Variants in ASNS observed in about 807,000 individuals in gnomAD.
ASNS encodes asparagine synthetase (glutamine-hydrolyzing).
In ASNS, 37 loss-of-function variants were observed where a neutral mutation model predicts 62.6. The observed-to-expected ratio is 0.59, with a 90% CI of 0.45 to 0.78. The LOEUF (loss-of-function observed/expected upper bound fraction) is 0.78. ASNS is among the 30% of genes least tolerant of loss of function. The probability of loss-of-function intolerance (pLI) is 0.00; values close to 1 mark genes in which losing one functional copy is unlikely to be tolerated. For synonymous variants in ASNS, 207 were observed against 237.9 expected (o/e 0.87, Z 1.19); for missense variants, 520 against 682.4 (o/e 0.76, Z 2.65).
intron 4 of ASNS, among the ~76,000 whole-genome samples, chr7:97,859,954 A>G (rs1409331131): frequency 6.6e-6 from 1 of 152,222 alleles, no homozygotes; most frequent in African/African-American, 2.4e-5. Flanking sequence ...TATAACTTAA[A>G]TTTCCTCAAT....
rs373834147 is a variant in ASNS, at chr7:97,858,424, G to T, written c.776-19C>A. On this transcript the variant is annotated intron_variant, in intron 6 of 12. Coordinates refer to ENST00000394308, the MANE Select transcript of ASNS (RefSeq NM_001673.5). ...AAGCCCCCTACATGCAAAAGAGGAA[G>T]TGGAAGTGTCCTAGTTATGTGCCTT... 29 of 1,613,864 alleles carry T rather than the reference G, an allele frequency of 1.8e-5. No individual in the cohort carries two copies. In the African/African-American group the frequency reaches 3.6e-4, roughly 20 times the overall value.
the ASNS span, among the ~76,000 whole-genome samples, chr7:97,894,161 T>A: frequency 8.8e-5 from 13 of 147,524 alleles, no homozygotes; most frequent in East Asian, 4.0e-4. Flanking sequence ...ACATCAAAAA[T>A]TTTTTTTAAA....
the ASNS span, among the ~76,000 whole-genome samples, chr7:97,898,168 C>T: frequency 6.6e-6 from 1 of 152,224 alleles, no homozygotes; most frequent in East Asian, 1.9e-4. Flanking sequence ...AATCTTGGCT[C>T]ACTGCAACCT....
chr7:97,907,725 C>A, the ASNS span, among the ~76,000 whole-genome samples: 1 of 149,682 alleles, frequency 6.7e-6, no homozygotes, highest in Non-Finnish European at 1.5e-5. Context: ...GCCGAGATCG[C>A]ACCACTGCAC....
the ASNS span, among the ~76,000 whole-genome samples, chr7:97,920,241 C>T: frequency 6.6e-6 from 1 of 152,074 alleles, no homozygotes; most frequent in Non-Finnish European, 1.5e-5. Context: ...TGGCCTCAGG[C>T]GATCCGCCCA....
chr7:97,903,859 G>C, the ASNS span, among the ~76,000 whole-genome samples: 1 of 152,160 alleles, frequency 6.6e-6, no homozygotes, highest in African/African-American at 2.4e-5. Context: ...TTAATTTGGG[G>C]GACAACAAAG....
intron 1 of ASNS, chr7:97,870,199 T>C: frequency 2.0e-6 from 2 of 993,436 alleles, no homozygotes; most frequent in Non-Finnish European, 2.8e-6. Flanking sequence ...TTGGCAGTGA[T>C]GACTGCCTTT....
rs566620938 is a variant in ASNS at position 97,857,616 on chromosome 7, T to TAA, written c.903+660_903+661dup. Among the ~76,000 whole-genome samples, 962 of 116,070 alleles carry TAA rather than the reference T, an allele frequency of 8.3e-3. 8 individuals are homozygous for TAA. Among genetic ancestry groups the TAA allele is most frequent in the East Asian group, 0.025 (102 of 4,016 alleles). 76.1% of individuals were successfully genotyped at this position (116,070 alleles called of 152,430 possible). A position where few individuals can be genotyped will look rare whatever the true frequency, so the allele number is the denominator to read the frequency against. ...AGCCATGATACTATGCCTTTACGTT[T>TAA]AAAAAAAAAAAAAAAAAAAAACGAA... On this transcript the variant is annotated intron_variant, in intron 7 of 12. Coordinates refer to ENST00000394308, the MANE Select transcript of ASNS (RefSeq NM_001673.5).
the ASNS span, among the ~76,000 whole-genome samples, chr7:97,882,865 CT>C: frequency 2.6e-5 from 4 of 152,316 alleles, no homozygotes; most frequent in East Asian, 7.7e-4. Context: ...AATATTAAAA[CT>C]GAAAAAATCA....
chr7:97,868,119 G>A (rs1389776724), intron 3 of ASNS, among the ~76,000 whole-genome samples: 4 of 152,108 alleles, frequency 2.6e-5, no homozygotes, highest in Non-Finnish European at 5.9e-5. Flanking sequence ...ACCACCCTGG[G>A]CAACATGGTG....
At chr7:97,876,013 C>T (rs376440629), upstream of ASNS, among the ~76,000 whole-genome samples, 16 of 152,100 alleles carry the variant, frequency 1.1e-4, no homozygotes, top group African/African-American at 2.6e-4. Flanking sequence ...CCCACCACCA[C>T]GCCTGGCTAA....
rs772206435 is a variant in ASNS at position 97,859,291 on chromosome 7, C to T, written c.595G>A (p.Val199Met). The stretch of plus-strand genomic sequence containing the variant: ...CAGTGATGATATTTAACCATTTCCA[C>T]GGATGCAACTTTGCCATTTGGCTTT... ...DLKPNGKVAS[V>M]EMVKYHHCRD... is the part of the protein sequence containing the mutation. Residue 199 changes from valine to methionine, a missense_variant, in exon 5 of 13, where the codon GTG becomes ATG. By Grantham distance (21) the Val-to-Met change is conservative. Transcript: ENST00000394308. 18 of 1,613,994 alleles carry T rather than the reference C, an allele frequency of 1.1e-5. No individual in the cohort carries two copies. Among genetic ancestry groups the T allele is most frequent in the African/African-American group, 2.7e-5 (2 of 74,914 alleles).
upstream of ASNS, among the ~76,000 whole-genome samples, chr7:97,875,630 G>A (rs1792422246): frequency 6.6e-6 from 1 of 152,222 alleles, no homozygotes; most frequent in Admixed American, 6.5e-5. Context: ...ACCTGGAGGT[G>A]ACTCAAGTTG....
rs1791211346 is a variant in ASNS at position 97,852,245 on chromosome 7, A to G, written c.*14T>C. The G allele has an allele frequency of 6.2e-7, 1 of 1,613,618 alleles. No homozygotes were observed. The highest frequency in any genetic ancestry group is 8.5e-7 in the Non-Finnish European group (1 of 1,179,814). ...GAAGAAATATTTGCTTTCACATTAC[A>G]GCATAAAGACCACCTAAGCTTTGAC... is the stretch of plus-strand genomic sequence containing the variant. On this transcript the variant is annotated 3_prime_UTR_variant, in exon 13 of 13. Transcript: ENST00000394308.
At chr7:97,896,741 C>CACACACAT in the ASNS span, among the ~76,000 whole-genome samples, 20 of 19,778 alleles carry the variant, frequency 1.0e-3, no homozygotes, top group South Asian at 3.8e-3. Context: ...CACACACACA[C>CACACACAT]ATATATATAT....
chr7:97,928,024 C>G, the ASNS span: 1 of 1,026,536 alleles, frequency 9.7e-7, no homozygotes, highest in South Asian at 1.4e-5. Context: ...CCCTACCCCG[C>G]GTCCCCAGCA....
upstream of ASNS, among the ~76,000 whole-genome samples, chr7:97,875,921 A>T (rs1365652387): frequency 3.3e-5 from 5 of 151,568 alleles, no homozygotes; most frequent in Non-Finnish European, 5.9e-5. Flanking sequence ...CAGTGGCATG[A>T]TCATGGATCG....
chr7:97,859,049 T>C, intron 5 of ASNS, 94 bp from the exon 6 acceptor site: 2 of 1,389,954 alleles, frequency 1.4e-6, no homozygotes, highest in Non-Finnish European at 2.0e-6. Context: ...TCTATCATGA[T>C]GGTATTTACT....
At chr7:97,886,256 C>T in the ASNS span, among the ~76,000 whole-genome samples, 1 of 152,102 alleles carries the variant, frequency 6.6e-6, no homozygotes, top group Non-Finnish European at 1.5e-5. Context: ...CAAGCGATTC[C>T]CCTGCCTCAG....
Sources: allele counts gnomAD v4.1 joint callset (sites outside exome capture counted in the v4.1 genomes callset), GRCh38; gene constraint gnomAD v4.1.1; transcripts MANE v1.5; gene names NCBI Gene and HGNC (gene_info 2026-07-23, HGNC 2026-07-21).